The following KIF21A variants were observed in gnomAD, a reference collection of about 807,000 sequenced individuals.
KIF21A encodes kinesin-like protein KIF21A.
KIF21A carries 114 observed loss-of-function variants against 202.9 expected under a neutral mutation model. That is an observed-to-expected ratio of 0.56 (90% CI 0.48 to 0.66). The LOEUF is 0.66. Ranked by LOEUF, KIF21A falls within the 30% of genes least tolerant of loss-of-function variation. The probability of loss-of-function intolerance (pLI) is 0.00; values close to 1 mark genes in which losing one functional copy is unlikely to be tolerated. For missense variants in KIF21A, 1,677 were observed against 1,994.9 expected (o/e 0.84, Z 3.04); for synonymous variants, 667 against 670.8 (o/e 0.99, Z 0.09).
At chr12:39,342,286 A>C (rs1427604753) in intron 12 of KIF21A, among the ~76,000 whole-genome samples, 162 bp from the exon 13 acceptor site, 1 of 152,192 alleles carries the variant, frequency 6.6e-6, no homozygotes, top group Non-Finnish European at 1.5e-5. Context: ...TCAGAGAAAA[A>C]TGGAAATTGC....
chr12:39,327,274 C>G (rs1156942269), intron 24 of KIF21A, among the ~76,000 whole-genome samples: 1 of 152,134 alleles, frequency 6.6e-6, no homozygotes, highest in Non-Finnish European at 1.5e-5. Flanking sequence ...TGTTCTCTTC[C>G]TTTCTCATTG....
intron 35 of KIF21A, among the ~76,000 whole-genome samples, chr12:39,304,010 C>T (rs1179785535): frequency 6.6e-6 from 1 of 152,174 alleles, no homozygotes. Flanking sequence ...GATCTAACTC[C>T]TCCTACCACC....
intron 1 of KIF21A, among the ~76,000 whole-genome samples, chr12:39,403,344 A>C (rs74086516): frequency 6.6e-6 from 1 of 152,258 alleles, no homozygotes; most frequent in Non-Finnish European, 1.5e-5. Flanking sequence ...TAATCAGCAT[A>C]CTAAGTTTTT....
At chr12:39,372,839 C>T (rs1403822559) in intron 1 of KIF21A, among the ~76,000 whole-genome samples, 1 of 152,104 alleles carries the variant, frequency 6.6e-6, no homozygotes, top group Admixed American at 6.6e-5. Flanking sequence ...TAGGAAAAAC[C>T]ACCATCTTGA....
At chr12:39,413,921 T>A (rs187679921) in intron 1 of KIF21A, among the ~76,000 whole-genome samples, 3 of 151,916 alleles carry the variant, frequency 2.0e-5, no homozygotes, top group East Asian at 1.9e-4. Context: ...AAAAAAAAAA[T>A]GTAATATTTG....
In KIF21A at chr12:39,366,247, G is replaced by A. The variant is rs563977216; in HGVS notation, c.903+103C>T. On this transcript the variant is annotated intron_variant, in intron 6 of 37. Transcript: ENST00000361418. ...ACTGTTCTATAATTTTCATTTCTTG[G>A]TTCAGTATCTGAAGGATTTCCATAT... The A allele has an allele frequency of 9.9e-5, 100 of 1,010,570 alleles. No homozygotes were observed. In the South Asian group the frequency reaches 1.4e-3, roughly 14 times the overall value. The allele number at this position is 1,010,570 out of a possible 1,614,324, so 62.6% of individuals were successfully genotyped here. A position where few individuals can be genotyped will look rare whatever the true frequency, so the allele number is the denominator to read the frequency against.
At chr12:39,304,212 T>C (rs1434364314) in intron 35 of KIF21A, among the ~76,000 whole-genome samples, 1 of 152,210 alleles carries the variant, frequency 6.6e-6, no homozygotes, top group Non-Finnish European at 1.5e-5. Context: ...ACATTCTTCC[T>C]ACCTCTCTTT....
At chr12:39,440,844 T>C (rs886421887) in intron 1 of KIF21A, among the ~76,000 whole-genome samples, 3 of 151,964 alleles carry the variant, frequency 2.0e-5, no homozygotes, top group Non-Finnish European at 4.4e-5. Flanking sequence ...GGAGGCCCCA[T>C]ATCTACAAAA....
intron 1 of KIF21A, among the ~76,000 whole-genome samples, chr12:39,405,188 C>T (rs921613961): frequency 6.6e-6 from 1 of 151,998 alleles, no homozygotes; most frequent in African/African-American, 2.4e-5. Context: ...CCAGTCTCTA[C>T]TAAAAATACA....
At chr12:39,407,928 T>C (rs887910997) in intron 1 of KIF21A, among the ~76,000 whole-genome samples, 1 of 151,168 alleles carries the variant, frequency 6.6e-6, no homozygotes, top group African/African-American at 2.4e-5. Context: ...ATATTTAGCA[T>C]AAAATAAGTA....
chr12:39,370,278 G>T lies in KIF21A; in HGVS notation c.45-17C>A, dbSNP rs1391740678. 2 of 1,558,004 alleles carry T rather than the reference G, an allele frequency of 1.3e-6. No homozygotes were observed. Among genetic ancestry groups the T allele is most frequent in the South Asian group, 1.2e-5 (1 of 86,878 alleles). ...GGTCTTATTCTGTGAGAAATAATCA[G>T]AAAAGAAAAAAATAAAATAAATGGC... On this transcript the variant is annotated splice_polypyrimidine_tract_variant and intron_variant, in intron 1 of 37. Coordinates refer to ENST00000361418, the MANE Select transcript of KIF21A (RefSeq NM_001173464.2).
intron 1 of KIF21A, among the ~76,000 whole-genome samples, chr12:39,405,297 A>G (rs1034786452): frequency 3.9e-5 from 6 of 152,212 alleles, no homozygotes; most frequent in Non-Finnish European, 7.3e-5. Context: ...GGTAGCAGTG[A>G]GCCAAGACTG....
intron 1 of KIF21A, among the ~76,000 whole-genome samples, chr12:39,416,417 G>C (rs753069386): frequency 3.3e-5 from 5 of 151,752 alleles, no homozygotes; most frequent in African/African-American, 1.2e-4. Context: ...TCAACATGGC[G>C]AAACCCCGTC....
chr12:39,357,688 TC>T (rs1416316387), intron 8 of KIF21A, among the ~76,000 whole-genome samples: 1 of 151,688 alleles, frequency 6.6e-6, no homozygotes, highest in Non-Finnish European at 1.5e-5. Flanking sequence ...AGTGGGCAGA[TC>T]ACGTGAGGTC....
At chr12:39,336,471 C>A (rs1031530383) in intron 17 of KIF21A, among the ~76,000 whole-genome samples, 4 of 152,110 alleles carry the variant, frequency 2.6e-5, no homozygotes, top group Non-Finnish European at 4.4e-5. Flanking sequence ...TATACAGTTT[C>A]AAAATATAAA....
intron 34 of KIF21A, among the ~76,000 whole-genome samples, chr12:39,306,506 T>G (rs1349947345): frequency 2.0e-5 from 3 of 152,200 alleles, no homozygotes; most frequent in Admixed American, 1.3e-4. Flanking sequence ...TAAATTATGT[T>G]TATTATATTT....
intron 23 of KIF21A, 124 bp downstream of exon 23, chr12:39,330,615 ATAATTAT>A: frequency 1.2e-6 from 1 of 813,918 alleles, no homozygotes. Context: ...TAAAGAAAGA[ATAATTAT>A]TAAAAGCATG....
intron 12 of KIF21A, 91 bp from the exon 13 acceptor site, chr12:39,342,215 T>C: frequency 1.1e-6 from 1 of 897,232 alleles, no homozygotes; most frequent in South Asian, 1.4e-5. Context: ...CATCAATGAT[T>C]TGTGAAAACA....
intron 23 of KIF21A, among the ~76,000 whole-genome samples, 160 bp from the exon 24 acceptor site, chr12:39,330,422 G>A (rs924552911): frequency 3.9e-5 from 6 of 152,292 alleles, no homozygotes; most frequent in Admixed American, 3.3e-4. Context: ...AGTGAGATAC[G>A]CAGAGTAAAG....
Sources: allele counts gnomAD v4.1 joint callset (sites outside exome capture counted in the v4.1 genomes callset), GRCh38; gene constraint gnomAD v4.1.1; transcripts MANE v1.5; gene names NCBI Gene and HGNC (gene_info 2026-07-23, HGNC 2026-07-21).